Variants in RNF138 observed in about 807,000 individuals in gnomAD.
RNF138 encodes the protein ring finger protein 138, also known as E3 ubiquitin-protein ligase RNF138.
In RNF138, 12 loss-of-function variants were observed where a neutral mutation model predicts 31.0. That is an observed-to-expected ratio of 0.39 (90% CI 0.25 to 0.63). The LOEUF (loss-of-function observed/expected upper bound fraction) is 0.63. RNF138 is among the 20% of genes least tolerant of loss of function. The probability of loss-of-function intolerance (pLI) is 0.52; values close to 1 mark genes in which losing one functional copy is unlikely to be tolerated. For missense variants in RNF138, 192 were observed against 300.1 expected (o/e 0.64, Z 2.66); for synonymous variants, 105 against 99.5 (o/e 1.06, Z -0.33).
intron 2 of RNF138, among the ~76,000 whole-genome samples, chr18:32,094,805 C>T (rs1326296654): frequency 6.6e-6 from 1 of 151,974 alleles, no homozygotes; most frequent in Non-Finnish European, 1.5e-5. Flanking sequence ...TAAAGCAGGT[C>T]TTTTTTGGAT....
chr18:32,096,858 C>T (rs998950948), intron 2 of RNF138, among the ~76,000 whole-genome samples: 1 of 152,080 alleles, frequency 6.6e-6, no homozygotes, highest in Non-Finnish European at 1.5e-5. Context: ...TCCCAAGTAG[C>T]TAGCTGGGAC....
At chr18:32,126,372 G>A (rs554287362) in intron 6 of RNF138, among the ~76,000 whole-genome samples, 3 of 152,260 alleles carry the variant, frequency 2.0e-5, no homozygotes, top group East Asian at 3.9e-4. Flanking sequence ...TAATATATTG[G>A]ATATGTTGCA....
chr18:32,121,270 C>T (rs2040301426), intron 4 of RNF138, among the ~76,000 whole-genome samples: 1 of 152,088 alleles, frequency 6.6e-6, no homozygotes, highest in East Asian at 1.9e-4. Context: ...CCAAGGCGGG[C>T]AGATCACCTG....
intron 4 of RNF138, among the ~76,000 whole-genome samples, chr18:32,116,220 C>T (rs891552589): frequency 1.3e-5 from 2 of 152,154 alleles, no homozygotes; most frequent in Non-Finnish European, 2.9e-5. Context: ...TCCCAACCTG[C>T]ATTTTGCCAG....
At chr18:32,092,647 T>A (rs935833828) in intron 1 of RNF138, 53 bp from the exon 2 acceptor site, 6 of 649,272 alleles carry the variant, frequency 9.2e-6, no homozygotes, top group Admixed American at 2.2e-5. Context: ...GCCCCCTTCC[T>A]GGCGCGCGCT....
rs1412540451 is a variant in RNF138 at position 32,092,743 on chromosome 18, C to CT, written c.-33dup. ...GCCACCGTCACCTCGGCCGCTGCCG[C>CT]TGTCGCCATCGCCTTGTTTCCCCAT... On this transcript the variant is annotated 5_prime_UTR_variant, in exon 2 of 8. Coordinates refer to ENST00000261593, the MANE Select transcript of RNF138 (RefSeq NM_016271.5). 2 of 1,412,722 alleles carry CT rather than the reference C, an allele frequency of 1.4e-6. No individual in the cohort carries two copies. Among genetic ancestry groups the CT allele is most frequent in the Non-Finnish European group, 1.9e-6 (2 of 1,030,692 alleles). 87.5% of individuals were successfully genotyped at this position (1,412,722 alleles called of 1,614,324 possible).
intron 3 of RNF138, among the ~76,000 whole-genome samples, chr18:32,113,100 T>C (rs2040159898): frequency 6.6e-6 from 1 of 152,034 alleles, no homozygotes; most frequent in Non-Finnish European, 1.5e-5. Context: ...TGAGACAGGG[T>C]CTCACTTTGT....
chr18:32,091,907 A>C lies in RNF138; in HGVS notation c.-406A>C, dbSNP rs1165506399. On this transcript the variant is annotated 5_prime_UTR_variant, in exon 1 of 8. Transcript: ENST00000261593. ...CCGGTTGCTATACAGGCCGCACTTC[A>C]CACCCCGTGCCTCCCCGCCTCTCCT... 2 of 152,110 alleles carry C rather than the reference A, an allele frequency of 1.3e-5. No homozygotes were observed. The highest frequency in any genetic ancestry group is 4.8e-5 in the African/African-American group (2 of 41,408). 9.4% of individuals were successfully genotyped at this position (152,110 alleles called of 1,614,324 possible).
chr18:32,103,352 C>CT (rs1251196882), intron 2 of RNF138, among the ~76,000 whole-genome samples: 3 of 151,830 alleles, frequency 2.0e-5, no homozygotes, highest in Admixed American at 2.0e-4. Flanking sequence ...CCATACCTCA[C>CT]TAATTTTTAA....
At chr18:32,093,115 TCCCG>T (rs2039734628) in intron 2 of RNF138, among the ~76,000 whole-genome samples, 1 of 147,488 alleles carries the variant, frequency 6.8e-6, no homozygotes, top group Non-Finnish European at 1.5e-5. Flanking sequence ...GCTCCCGCTC[TCCCG>T]CTCTCCCGCT....
intron 4 of RNF138, among the ~76,000 whole-genome samples, chr18:32,116,089 G>T (rs1258086088): frequency 1.3e-5 from 2 of 152,144 alleles, no homozygotes; most frequent in East Asian, 1.9e-4. Flanking sequence ...TCATTGAGTT[G>T]AAGTTAATAA....
chr18:32,107,435 T>C (rs1483728240), intron 2 of RNF138, among the ~76,000 whole-genome samples: 1 of 151,696 alleles, frequency 6.6e-6, no homozygotes, highest in East Asian at 1.9e-4. Context: ...TTCCTTTTTT[T>C]CTAGTAATTT....
chr18:32,129,057 G>A lies in RNF138; in HGVS notation c.670-62G>A, dbSNP rs542781678. 4 of 1,096,120 alleles carry A rather than the reference G, an allele frequency of 3.6e-6. No homozygotes were observed. In the African/African-American group the frequency reaches 6.2e-5, roughly 17 times the overall value. 67.9% of individuals were successfully genotyped at this position (1,096,120 alleles called of 1,614,324 possible). A position where few individuals can be genotyped will look rare whatever the true frequency, so the allele number is the denominator to read the frequency against. On this transcript the variant is annotated intron_variant, in intron 7 of 7. Coordinates refer to ENST00000261593, the MANE Select transcript of RNF138 (RefSeq NM_016271.5). ...TGTGTATCAAGATGTCTAATGTTTT[G>A]GGCAAAGTATTAGAGTAGTTGAATA... is the stretch of plus-strand genomic sequence containing the variant.
intron 2 of RNF138, among the ~76,000 whole-genome samples, chr18:32,095,935 G>T (rs1029921523): frequency 1.3e-5 from 2 of 152,296 alleles, no homozygotes; most frequent in East Asian, 3.9e-4. Flanking sequence ...TAGCCTAAAG[G>T]ATAGGGATAA....
intron 2 of RNF138, among the ~76,000 whole-genome samples, chr18:32,107,702 C>T (rs981073321): frequency 2.7e-5 from 4 of 148,188 alleles, no homozygotes; most frequent in African/African-American, 7.5e-5. Flanking sequence ...TTGTATTAGT[C>T]AAGACGGGGT....
At chr18:32,122,057 C>T (rs1235961095) in intron 4 of RNF138, among the ~76,000 whole-genome samples, 3 of 151,948 alleles carry the variant, frequency 2.0e-5, no homozygotes, top group Non-Finnish European at 4.4e-5. Context: ...TTAGTAGAGA[C>T]GGGGTTTCAC....
chr18:32,115,300 C>T (rs2040196822), intron 4 of RNF138, among the ~76,000 whole-genome samples: 1 of 152,132 alleles, frequency 6.6e-6, no homozygotes, highest in South Asian at 2.1e-4. Flanking sequence ...TAGCAATATT[C>T]CTCATCTGTA....
At chr18:32,094,647 G>A (rs2039772414) in intron 2 of RNF138, among the ~76,000 whole-genome samples, 1 of 151,938 alleles carries the variant, frequency 6.6e-6, no homozygotes, top group Non-Finnish European at 1.5e-5. Flanking sequence ...GCACAATATA[G>A]ATCTTCCACC....
At chr18:32,123,371 A>T in intron 4 of RNF138, 147 bp from the exon 5 acceptor site, 1 of 466,700 alleles carries the variant, frequency 2.1e-6, no homozygotes, top group Non-Finnish European at 3.7e-6. Context: ...TTGTTTTTTC[A>T]AGGACCCAAT....
Sources: gnomAD v4.1 joint callset for allele counts (sites outside exome capture counted in the v4.1 genomes callset) on GRCh38, gnomAD v4.1.1 for gene constraint, MANE v1.5 for transcripts, NCBI Gene and HGNC (gene_info 2026-07-23, HGNC 2026-07-21) for gene names.